The following ZDHHC14 variants were observed in gnomAD, a reference collection of about 807,000 sequenced individuals.
ZDHHC14 encodes palmitoyltransferase ZDHHC14.
ZDHHC14 carries 16 observed loss-of-function variants against 47.7 expected under a neutral mutation model. The ratio of observed to expected loss-of-function variants is 0.34; its 90% CI spans 0.23 to 0.51. The LOEUF (loss-of-function observed/expected upper bound fraction) is 0.51, where lower values mean the gene tolerates loss of function less well. ZDHHC14 is among the 20% of genes least tolerant of loss of function. The probability of loss-of-function intolerance (pLI) is 0.97; values close to 1 mark genes in which losing one functional copy is unlikely to be tolerated. For missense variants in ZDHHC14, 515 were observed against 662.5 expected (o/e 0.78, Z 2.44); for synonymous variants, 293 against 278.9 (o/e 1.05, Z -0.50).
chr6:157,557,764 T>C (rs926590343), intron 2 of ZDHHC14, among the ~76,000 whole-genome samples: 18 of 152,098 alleles, frequency 1.2e-4, no homozygotes, highest in African/African-American at 3.9e-4. Context: ...AGCTCAGTGC[T>C]CCCAAGCAAA....
chr6:157,481,751 A>G (rs1349639322), intron 1 of ZDHHC14, among the ~76,000 whole-genome samples: 1 of 152,184 alleles, frequency 6.6e-6, no homozygotes, highest in African/African-American at 2.4e-5. Context: ...TCTTGATATT[A>G]CTTTAGCCCC....
At chr6:157,510,695 T>G (rs1403271455) in intron 1 of ZDHHC14, among the ~76,000 whole-genome samples, 1 of 152,172 alleles carries the variant, frequency 6.6e-6, no homozygotes, top group Non-Finnish European at 1.5e-5. Flanking sequence ...AATGCAGAGC[T>G]CTGGTGGGCA....
intron 3 of ZDHHC14, among the ~76,000 whole-genome samples, chr6:157,602,489 CAAA>C (rs552594669): frequency 0.095 from 5,739 of 60,566 alleles, 149 homozygotes; most frequent in Non-Finnish European, 0.13. Flanking sequence ...GACTCCGTTT[CAAA>C]AAAAAAAAAA....
At chr6:157,494,076 C>G (rs955908426) in intron 1 of ZDHHC14, among the ~76,000 whole-genome samples, 4 of 152,230 alleles carry the variant, frequency 2.6e-5, no homozygotes, top group African/African-American at 9.7e-5. Context: ...TGGCTTGGCT[C>G]TGGCTTTTGA....
At chr6:157,660,068 A>G (rs1778279357) in intron 8 of ZDHHC14, among the ~76,000 whole-genome samples, 1 of 152,136 alleles carries the variant, frequency 6.6e-6, no homozygotes, top group Non-Finnish European at 1.5e-5. Context: ...CCCCACAGCA[A>G]CCTGCAAGAT....
chr6:157,510,848 G>T (rs1256844162), intron 1 of ZDHHC14, among the ~76,000 whole-genome samples: 1 of 152,218 alleles, frequency 6.6e-6, no homozygotes, highest in Non-Finnish European at 1.5e-5. Flanking sequence ...GTTTCCAATG[G>T]CCTCTGCCTT....
chr6:157,515,323 G>A (rs1190475660), intron 1 of ZDHHC14, among the ~76,000 whole-genome samples: 1 of 152,170 alleles, frequency 6.6e-6, no homozygotes, highest in Non-Finnish European at 1.5e-5. Context: ...GGTCTTTCCA[G>A]CAGAGCACAG....
chr6:157,438,264 A>C lies in ZDHHC14; in HGVS notation c.245+55998A>C, dbSNP rs151152549. ...AAGAAGAATGCAAGCATTTAAGGTA[A>C]GAATGCTTTATGGAAAGTTCTTGTA... On this transcript the variant is annotated intron_variant, in intron 1 of 8. Coordinates refer to ENST00000359775, the MANE Select transcript of ZDHHC14 (RefSeq NM_024630.3). Among the ~76,000 whole-genome samples the C allele has an allele frequency of 7.0e-3, 1,069 of 152,348 alleles. 14 individuals are homozygous for C. The highest frequency in any genetic ancestry group is 0.023 in the African/African-American group (972 of 41,578).
At chr6:157,539,459 C>A (rs143455732) in intron 1 of ZDHHC14, among the ~76,000 whole-genome samples, 1,601 of 152,140 alleles carry the variant, frequency 0.011, 18 homozygotes, top group Non-Finnish European at 0.018. Flanking sequence ...TTCCAGCTGT[C>A]CCCCGGAGAG....
intron 2 of ZDHHC14, among the ~76,000 whole-genome samples, chr6:157,583,446 A>C (rs1470571501): frequency 1.3e-5 from 2 of 150,668 alleles, no homozygotes; most frequent in African/African-American, 2.4e-5. Flanking sequence ...TTTATAGTTA[A>C]TTATTGTCCT....
chr6:157,540,088 G>A (rs113623342), intron 1 of ZDHHC14, among the ~76,000 whole-genome samples: 4 of 152,316 alleles, frequency 2.6e-5, no homozygotes, highest in African/African-American at 7.2e-5. Flanking sequence ...GCAGGCAGTA[G>A]GCCTCCCCGC....
chr6:157,570,202 G>T (rs1199704677), intron 2 of ZDHHC14, among the ~76,000 whole-genome samples: 1 of 152,204 alleles, frequency 6.6e-6, no homozygotes, highest in Admixed American at 6.5e-5. Context: ...CAATATTAAT[G>T]CCACTCAAAC....
intron 2 of ZDHHC14, among the ~76,000 whole-genome samples, chr6:157,549,808 T>C (rs1782147822): frequency 6.6e-6 from 1 of 152,196 alleles, no homozygotes; most frequent in East Asian, 1.9e-4. Flanking sequence ...GTGGTTTTCA[T>C]CCAGGACATT....
At chr6:157,645,690 T>G in intron 5 of ZDHHC14, 47 bp from the exon 6 acceptor site, 1 of 1,529,998 alleles carries the variant, frequency 6.5e-7, no homozygotes. Context: ...TCACATCCAC[T>G]TCTTGCGCGG....
At chr6:157,445,105 TACACACACACAC>T (rs533031947) in intron 1 of ZDHHC14, among the ~76,000 whole-genome samples, 118 of 131,766 alleles carry the variant, frequency 9.0e-4, no homozygotes, top group East Asian at 1.3e-3. Flanking sequence ...TGCCAGATAT[TACACACACACAC>T]ACACACACAC....
chr6:157,669,435 G>A (rs1232517256), intron 8 of ZDHHC14, among the ~76,000 whole-genome samples: 2 of 152,308 alleles, frequency 1.3e-5, no homozygotes, highest in African/African-American at 4.8e-5. Context: ...CCACAGGGAA[G>A]GTGAAAGAGA....
chr6:157,531,106 A>G (rs1253863888), intron 1 of ZDHHC14, among the ~76,000 whole-genome samples: 1 of 152,124 alleles, frequency 6.6e-6, no homozygotes, highest in Non-Finnish European at 1.5e-5. Context: ...TCATTGCTTC[A>G]CCTGCATGAC....
At chr6:157,462,744 G>A (rs1485865317) in intron 1 of ZDHHC14, among the ~76,000 whole-genome samples, 1 of 152,214 alleles carries the variant, frequency 6.6e-6, no homozygotes, top group Non-Finnish European at 1.5e-5. Context: ...AAAGAATCCA[G>A]GGTTCTCTGT....
intron 3 of ZDHHC14, among the ~76,000 whole-genome samples, chr6:157,626,223 G>A (rs183887678): frequency 3.3e-4 from 51 of 152,244 alleles, no homozygotes; most frequent in Non-Finnish European, 1.8e-4. Context: ...CAAACCCACC[G>A]CATGTGGGAT....
Sources: allele counts gnomAD v4.1 joint callset (sites outside exome capture counted in the v4.1 genomes callset), GRCh38; gene constraint gnomAD v4.1.1; transcripts MANE v1.5; gene names NCBI Gene and HGNC (gene_info 2026-07-23, HGNC 2026-07-21).